The following IFNAR2 variants were observed in gnomAD, a reference collection of about 807,000 sequenced individuals.
IFNAR2 encodes interferon alpha/beta receptor 2.
Under a neutral mutation model 49.4 loss-of-function variants are expected in IFNAR2, and 30 were observed. The ratio of observed to expected loss-of-function variants is 0.61; its 90% CI spans 0.45 to 0.82. The LOEUF (loss-of-function observed/expected upper bound fraction) is 0.82, where lower values mean the gene tolerates loss of function less well. IFNAR2 is among the 40% of genes least tolerant of loss of function. The pLI is 0.00. For missense variants in IFNAR2, 600 were observed against 622.7 expected (o/e 0.96, Z 0.39); for synonymous variants, 224 against 234.5 (o/e 0.96, Z 0.41).
intron 6 of IFNAR2, chr21:33,251,787 G>A (rs1184358630): frequency 7.5e-5 from 74 of 985,010 alleles, no homozygotes; most frequent in Non-Finnish European, 8.3e-5. Flanking sequence ...GAGGCAAGGT[G>A]TTTAAAGGGA....
At chr21:33,236,927 C>T in intron 1 of IFNAR2, 1 of 970,584 alleles carries the variant, frequency 1.0e-6, no homozygotes, top group Non-Finnish European at 1.2e-6. Context: ...TTTTAAGGAG[C>T]TCCATTAACA....
chr21:33,238,444 G>A (rs981971885), intron 1 of IFNAR2, among the ~76,000 whole-genome samples: 2 of 152,084 alleles, frequency 1.3e-5, no homozygotes, highest in Admixed American at 1.3e-4. Flanking sequence ...GGGGACAGAA[G>A]AATGCCCACA....
At chr21:33,253,052 T>A (rs1987973599) in intron 7 of IFNAR2, among the ~76,000 whole-genome samples, 1 of 152,186 alleles carries the variant, frequency 6.6e-6, no homozygotes, top group Non-Finnish European at 1.5e-5. Flanking sequence ...CTCGATGAGA[T>A]CAGAAATCTT....
chr21:33,236,810 A>G, intron 1 of IFNAR2: 1 of 983,492 alleles, frequency 1.0e-6, no homozygotes, highest in Non-Finnish European at 1.2e-6. Flanking sequence ...GAGAACCTCA[A>G]GCCAAGTGTA....
rs770397999 is a variant in IFNAR2 at position 33,262,705 on chromosome 21, C to T, written c.841-88C>T. 9 of 1,550,508 alleles carry T rather than the reference C, an allele frequency of 5.8e-6. No individual in the cohort carries two copies. In the South Asian group the frequency reaches 9.0e-5, roughly 15 times the overall value. ...GGATTACAAGCGTGCATCCCTGTGC[C>T]CCAGTGATTAAGTTTTATTATGTAG... On this transcript the variant is annotated intron_variant, in intron 8 of 8. Transcript: ENST00000342136.
At position 33,230,064 on chromosome 21, in the gene IFNAR2, C is replaced by T. The variant is rs1568871039; in HGVS notation, c.-236C>T. The T allele has an allele frequency of 1.0e-6, 1 of 986,900 alleles. No individual in the cohort carries two copies. Among genetic ancestry groups the T allele is most frequent in the Non-Finnish European group, 1.2e-6 (1 of 830,538 alleles). 61.1% of individuals were successfully genotyped at this position (986,900 alleles called of 1,614,324 possible). On this transcript the variant is annotated 5_prime_UTR_variant, in exon 1 of 9. Coordinates refer to ENST00000342136, the MANE Select transcript of IFNAR2 (RefSeq NM_001289125.3). This position sits in a 1 kb window ranked among gnomAD's most constrained non-coding sequence, Gnocchi z 5.5. ...GCGCAGCCCGCGGACCACCACCCGG[C>T]CGCACGGGCCGCTTTTGTCCCCCGC...
intron 5 of IFNAR2, among the ~76,000 whole-genome samples, chr21:33,247,405 C>G (rs186656275): frequency 3.8e-4 from 58 of 152,110 alleles, no homozygotes; most frequent in African/African-American, 1.2e-3. Context: ...GCACACACCA[C>G]CATACCTGGC....
chr21:33,251,667 G>A, intron 6 of IFNAR2: 2 of 985,166 alleles, frequency 2.0e-6, no homozygotes, highest in South Asian at 9.4e-5. Flanking sequence ...TAAACTGCTA[G>A]TAAGAATGTA....
chr21:33,262,364 C>CAA lies in IFNAR2; in HGVS notation c.841-409_841-408dup, dbSNP rs58341848. Among the ~76,000 whole-genome samples, 258 of 96,164 alleles carry CAA rather than the reference C, an allele frequency of 2.7e-3. 4 individuals are homozygous for CAA. The highest frequency in any genetic ancestry group is 3.5e-3 in the Admixed American group (30 of 8,472). 63.1% of individuals were successfully genotyped at this position (96,164 alleles called of 152,430 possible). A position where few individuals can be genotyped will look rare whatever the true frequency, so the allele number is the denominator to read the frequency against. ...GGGCAACAGAGCGAGACTCCCGTCT[C>CAA]AAAAAAAAAAAAAAAAAAAAATAGT... On this transcript the variant is annotated intron_variant, in intron 8 of 8. Transcript: ENST00000342136.
At chr21:33,237,559 A>G (rs566689759) in intron 1 of IFNAR2, among the ~76,000 whole-genome samples, 23 of 152,308 alleles carry the variant, frequency 1.5e-4, no homozygotes, top group Admixed American at 7.8e-4. Flanking sequence ...TTGCCCTTCT[A>G]CAATCTGGAT....
At chr21:33,232,869 C>G (rs1485129979) in intron 1 of IFNAR2, 2 of 366,710 alleles carry the variant, frequency 5.5e-6, no homozygotes, top group Admixed American at 6.4e-5. Flanking sequence ...TTCACTCTGC[C>G]ATATCAGTAG....
At chr21:33,251,771 A>G (rs904608326) in intron 6 of IFNAR2, 7 of 985,224 alleles carry the variant, frequency 7.1e-6, no homozygotes, top group Admixed American at 1.2e-4. Context: ...CAACTACAGG[A>G]AAGAAGAGGC....
At position 33,247,254 on chromosome 21, in the gene IFNAR2, C is replaced by CTTTTTTTTTTTTTTTTT. The variant is rs59707670; in HGVS notation, c.394+379_394+380insTTTTTTTTTTTTTTTTT. Among the ~76,000 whole-genome samples, 101 of 91,540 alleles carry CTTTTTTTTTTTTTTTTT rather than the reference C, an allele frequency of 1.1e-3. 3 individuals carry two copies. Among genetic ancestry groups the CTTTTTTTTTTTTTTTTT allele is most frequent in the Non-Finnish European group, 1.5e-3 (69 of 46,810 alleles). The allele number at this position is 91,540 out of a possible 152,430, so 60.1% of individuals were successfully genotyped here. A position where few individuals can be genotyped will look rare whatever the true frequency, so the allele number is the denominator to read the frequency against. On this transcript the variant is annotated intron_variant, in intron 5 of 8. Coordinates refer to ENST00000342136, the MANE Select transcript of IFNAR2 (RefSeq NM_001289125.3). ...ATTTTCTTTCTTTCTTTCTTTCTTTCTTTTTTTTTTTTTTTGAGATGGAGT... is the reference window on the plus strand; with the variant it reads ...ATTTTCTTTCTTTCTTTCTTTCTTTCTTTTTTTTTTTTTTTTTTTTTTTTTTTTTTTTGAGATGGAGT...
At chr21:33,254,978 A>C (rs187666426) in intron 7 of IFNAR2, among the ~76,000 whole-genome samples, 1 of 152,288 alleles carries the variant, frequency 6.6e-6, no homozygotes, top group Non-Finnish European at 1.5e-5. Context: ...TGAGCCACGG[A>C]ACGTTGCCTG....
At chr21:33,259,402 T>G (rs1156270181) in intron 7 of IFNAR2, among the ~76,000 whole-genome samples, 5 of 152,146 alleles carry the variant, frequency 3.3e-5, no homozygotes, top group Non-Finnish European at 7.3e-5. Context: ...ATTTTTTAGA[T>G]TATCATCAAG....
intron 6 of IFNAR2, among the ~76,000 whole-genome samples, chr21:33,250,985 A>T (rs1354130357): frequency 3.9e-5 from 6 of 152,046 alleles, no homozygotes; most frequent in Non-Finnish European, 8.8e-5. Context: ...ATCTAGGAGG[A>T]GACGTGGGGA....
intron 7 of IFNAR2, among the ~76,000 whole-genome samples, chr21:33,258,508 CA>C (rs1261074699): frequency 6.6e-6 from 1 of 152,096 alleles, no homozygotes; most frequent in Non-Finnish European, 1.5e-5. Context: ...TTTTTTATCC[CA>C]GTGAAACCCA....
intron 1 of IFNAR2, among the ~76,000 whole-genome samples, chr21:33,238,789 C>A (rs1328922031): frequency 7.1e-6 from 1 of 141,826 alleles, no homozygotes. Context: ...AAAAAAAAAA[C>A]TGCAAACCAG....
chr21:33,258,385 G>A (rs1010177184), intron 7 of IFNAR2, among the ~76,000 whole-genome samples: 1 of 152,140 alleles, frequency 6.6e-6, no homozygotes, highest in Non-Finnish European at 1.5e-5. Flanking sequence ...GAGGATGAAG[G>A]AGGGGGCCAT....
Sources: allele counts gnomAD v4.1 joint callset (sites outside exome capture counted in the v4.1 genomes callset), GRCh38; gene constraint gnomAD v4.1.1; non-coding constraint Gnocchi (gnomAD v3.1); transcripts MANE v1.5; gene names NCBI Gene and HGNC (gene_info 2026-07-23, HGNC 2026-07-21).